Variants in PARD3 observed in about 807,000 individuals in gnomAD.
The protein encoded by PARD3 is par-3 family cell polarity regulator.
PARD3 carries 75 observed loss-of-function variants against 155.4 expected under a neutral mutation model. The observed-to-expected ratio is 0.48, with a 90% confidence interval of 0.40 to 0.58. The LOEUF (loss-of-function observed/expected upper bound fraction) is 0.58. PARD3 is among the 20% of genes least tolerant of loss of function. The pLI, the probability that PARD3 is intolerant of heterozygous loss-of-function variation, is 0.00. For synonymous variants in PARD3, 576 were observed against 610.5 expected (o/e 0.94, Z 0.83); for missense variants, 1,642 against 1,721.7 (o/e 0.95, Z 0.82).
intron 2 of PARD3, among the ~76,000 whole-genome samples, chr10:34,616,335 TA>T (rs531783449): frequency 2.0e-5 from 3 of 151,506 alleles, no homozygotes; most frequent in Non-Finnish European, 4.4e-5. Flanking sequence ...AAAAAAAAAT[TA>T]AAAAAAGCAG....
Position 34,790,981 on chromosome 10 carries a change from G to C in PARD3, c.120+23895C>G, listed in dbSNP as rs61314177. On this transcript the variant is annotated intron_variant, in intron 1 of 24. Transcript: ENST00000374788. ...TGGCACGCACATGGGCTCACACACA[G>C]ACACACACACTTACTGATCATTTCA... Among the ~76,000 whole-genome samples the C allele has an allele frequency of 7.4e-3, 1,132 of 152,144 alleles. 16 individuals are homozygous for C. The highest frequency in any genetic ancestry group is 0.026 in the African/African-American group (1,089 of 41,492).
At chr10:34,367,276 C>T (rs1346119157) in intron 12 of PARD3, among the ~76,000 whole-genome samples, 1 of 152,200 alleles carries the variant, frequency 6.6e-6, no homozygotes, top group East Asian at 1.9e-4. Flanking sequence ...GAATTGGAAA[C>T]AGGACCAAAT....
At chr10:34,433,122 T>A (rs2076029271) in intron 5 of PARD3, among the ~76,000 whole-genome samples, 1 of 152,228 alleles carries the variant, frequency 6.6e-6, no homozygotes, top group Non-Finnish European at 1.5e-5. Context: ...ATTTCAAATA[T>A]ATTTAAGGAA....
chr10:34,353,587 G>A (rs895010713), intron 14 of PARD3, among the ~76,000 whole-genome samples: 42 of 152,186 alleles, frequency 2.8e-4, no homozygotes, highest in East Asian at 1.2e-3. Flanking sequence ...GCGGAAGGCC[G>A]CAGGGTCCTC....
intron 2 of PARD3, among the ~76,000 whole-genome samples, chr10:34,619,183 T>C (rs2091460041): frequency 6.6e-6 from 1 of 152,044 alleles, no homozygotes; most frequent in Non-Finnish European, 1.5e-5. Context: ...CCCAAGTAGC[T>C]GAAATTACAG....
At chr10:34,169,896 C>T (rs2133108451) in intron 22 of PARD3, among the ~76,000 whole-genome samples, 1 of 152,266 alleles carries the variant, frequency 6.6e-6, no homozygotes, top group East Asian at 1.9e-4. Flanking sequence ...CCCTGCCCTG[C>T]AGGATGTATC....
In PARD3 at chr10:34,359,279, T is replaced by G; in HGVS notation, c.1935A>C (p.Val645=). 1 of 1,613,936 alleles carries G rather than the reference T, an allele frequency of 6.2e-7. No individual in the cohort carries two copies. The highest frequency in any genetic ancestry group is 2.2e-5 in the East Asian group (1 of 44,866). Residue 645 remains valine (V), a synonymous_variant, in exon 14 of 25, where the codon GTA becomes GTC. Coordinates refer to ENST00000374788, the MANE Select transcript of PARD3 (RefSeq NM_001184785.2). ...TCTTGCCCAACAGGGATTCTCCATT[T>G]ACTGCTATCAGTTGATCATTCACCC... The part of the protein sequence containing the change: ...RLRVNDQLIA[V]NGESLLGKTN...
Position 34,329,768 on chromosome 10 carries a change from T to TG in PARD3, c.2833+1348dup, listed in dbSNP as rs1433752213. On this transcript the variant is annotated intron_variant, in intron 19 of 24. Coordinates refer to ENST00000374788, the MANE Select transcript of PARD3 (RefSeq NM_001184785.2). ...AGTGACAAAACTGCCTGGATTTAGA[T>TG]GGAGAATCAGGTGGAGGTGGAGAGA... Among the ~76,000 whole-genome samples the TG allele has an allele frequency of 3.3e-5, 5 of 152,194 alleles. No individual in the cohort carries two copies. The East Asian group carries it at 9.7e-4, about 29-fold the overall frequency.
intron 1 of PARD3, among the ~76,000 whole-genome samples, chr10:34,698,146 G>A (rs977152463): frequency 6.6e-6 from 1 of 152,036 alleles, no homozygotes; most frequent in Non-Finnish European, 1.5e-5. Flanking sequence ...ACACACACAA[G>A]CACACCAACC....
At chr10:34,277,743 G>A (rs1955956536) in intron 21 of PARD3, among the ~76,000 whole-genome samples, 1 of 152,082 alleles carries the variant, frequency 6.6e-6, no homozygotes, top group Admixed American at 6.6e-5. Context: ...ACGGTTAAAA[G>A]TTGAAAAAGA....
intron 2 of PARD3, among the ~76,000 whole-genome samples, chr10:34,570,885 G>T (rs1313163448): frequency 1.3e-5 from 2 of 152,124 alleles, no homozygotes; most frequent in African/African-American, 4.8e-5. Flanking sequence ...GGGTCCTGAG[G>T]ATCCCAGGTG....
At chr10:34,113,008 T>TA (rs971364269) in intron 24 of PARD3, among the ~76,000 whole-genome samples, 1 of 152,162 alleles carries the variant, frequency 6.6e-6, no homozygotes, top group Non-Finnish European at 1.5e-5. Context: ...AGTCATAAAT[T>TA]AATCTACCCA....
At position 34,382,731 on chromosome 10, in the gene PARD3, T is replaced by G. The variant is rs1339548188; in HGVS notation, c.1208A>C (p.Gln403Pro). 3 of 1,614,202 alleles carry G rather than the reference T, an allele frequency of 1.9e-6. No individual in the cohort carries two copies. The highest frequency in any genetic ancestry group is 2.5e-6 in the Non-Finnish European group (3 of 1,180,014). Residue 403 changes from glutamine (Q) to proline (P), a missense_variant, in exon 9 of 25, where the codon CAG becomes CCG. Around this residue, in one of 3 missense-constraint regions of PARD3, gnomAD observed 1,529 missense variants for 1,587.3 expected, o/e 0.96. Transcript: ENST00000374788. ...SVNSAGLHTV[Q>P]RAPRLNHPPE... The stretch of plus-strand genomic sequence containing the variant: ...CGGGTGGTTCAGTCGGGGTGCTCTC[T>G]GCACCGTGTGAAGCCCTGCACTGTT...
intron 1 of PARD3, among the ~76,000 whole-genome samples, chr10:34,752,961 T>C (rs17578633): frequency 0.02 from 2,971 of 152,340 alleles, 45 homozygotes; most frequent in Non-Finnish European, 0.03. Context: ...TCTCTTTTTC[T>C]AAAACTACCT....
intron 22 of PARD3, among the ~76,000 whole-genome samples, chr10:34,174,109 C>G (rs1402601142): frequency 2.0e-5 from 3 of 152,140 alleles, no homozygotes; most frequent in South Asian, 4.1e-4. Context: ...GGGATGTCAC[C>G]AAGCATAACG....
chr10:34,682,947 G>A (rs2093872900), intron 2 of PARD3, among the ~76,000 whole-genome samples: 1 of 152,210 alleles, frequency 6.6e-6, no homozygotes, highest in Admixed American at 6.5e-5. Context: ...TGACAATGGT[G>A]GTGGTGGTGG....
chr10:34,585,625 G>C (rs562057975), intron 2 of PARD3, among the ~76,000 whole-genome samples: 1 of 150,230 alleles, frequency 6.7e-6, no homozygotes, highest in Admixed American at 6.7e-5. Flanking sequence ...TGTGGTGTGC[G>C]GGTGTCATTT....
intron 7 of PARD3, among the ~76,000 whole-genome samples, chr10:34,386,277 CTTA>C (rs1842338447): frequency 6.6e-6 from 1 of 152,064 alleles, no homozygotes; most frequent in African/African-American, 2.4e-5. Context: ...TATTTAGTTA[CTTA>C]TTATCATTTA....
chr10:34,696,042 T>C (rs566549387), intron 2 of PARD3, among the ~76,000 whole-genome samples: 6 of 152,342 alleles, frequency 3.9e-5, no homozygotes, highest in African/African-American at 1.4e-4. Flanking sequence ...GAATATGGCA[T>C]AGAAATCTTT....
Sources: gnomAD v4.1 joint callset for allele counts (sites outside exome capture counted in the v4.1 genomes callset) on GRCh38, gnomAD v4.1.1 for gene constraint, gnomAD v4.1.1 regional missense constraint, MANE v1.5 for transcripts, NCBI Gene and HGNC (gene_info 2026-07-23, HGNC 2026-07-21) for gene names.